The following NAV2 variants were observed in gnomAD, a reference collection of about 807,000 sequenced individuals.
The protein encoded by NAV2 is helicase, APC down-regulated 1.
Under a neutral mutation model 223.2 loss-of-function variants are expected in NAV2, and 54 were observed. That is an observed-to-expected ratio of 0.24 (90% CI 0.19 to 0.30). NAV2 has a LOEUF of 0.30. NAV2 is among the 10% of genes least tolerant of loss of function. The pLI is 1.00. For missense variants in NAV2, 2,806 were observed against 3,147.5 expected (o/e 0.89, Z 2.60); for synonymous variants, 1,279 against 1,239.3 (o/e 1.03, Z -0.67).
chr11:20,102,260 T>G (rs960377080), intron 32 of NAV2, among the ~76,000 whole-genome samples: 1 of 152,138 alleles, frequency 6.6e-6, no homozygotes, highest in Non-Finnish European at 1.5e-5. Context: ...CTTTTTCTAC[T>G]GCTAACAAGA....
intron 19 of NAV2, among the ~76,000 whole-genome samples, chr11:20,057,169 AT>A (rs2058416740): frequency 6.6e-6 from 1 of 152,236 alleles, no homozygotes; most frequent in South Asian, 2.1e-4. Flanking sequence ...AAGGGCCAGC[AT>A]CCTCCCAGCA....
At chr11:19,684,231 T>A (rs1352554254) in intron 1 of NAV2, among the ~76,000 whole-genome samples, 2 of 152,212 alleles carry the variant, frequency 1.3e-5, no homozygotes, top group Non-Finnish European at 2.9e-5. Flanking sequence ...GAATTATACT[T>A]CCTTTTCATG....
intron 1 of NAV2, among the ~76,000 whole-genome samples, chr11:19,464,018 T>G (rs774683180): frequency 6.6e-6 from 1 of 152,150 alleles, no homozygotes; most frequent in Non-Finnish European, 1.5e-5. Context: ...AAGAAATGTT[T>G]CTCCTCTGTG....
intron 10 of NAV2, among the ~76,000 whole-genome samples, chr11:19,956,373 C>T (rs2047867965): frequency 6.7e-6 from 1 of 150,330 alleles, no homozygotes; most frequent in East Asian, 1.9e-4. Flanking sequence ...CATACACACA[C>T]ACACACACAC....
upstream of NAV2, among the ~76,000 whole-genome samples, chr11:19,346,662 C>T (rs959396335): frequency 1.3e-5 from 2 of 152,220 alleles, no homozygotes; most frequent in Non-Finnish European, 2.9e-5. Flanking sequence ...GCTCGCAGTG[C>T]ACAGATAAAG....
intron 1 of NAV2, among the ~76,000 whole-genome samples, chr11:19,523,860 C>A (rs562032695): frequency 6.6e-6 from 1 of 152,332 alleles, no homozygotes; most frequent in South Asian, 2.1e-4. Flanking sequence ...CTCCCTGTGT[C>A]CCCAGACACT....
At chr11:19,531,213 G>A (rs2044018697) in intron 1 of NAV2, among the ~76,000 whole-genome samples, 1 of 152,100 alleles carries the variant, frequency 6.6e-6, no homozygotes, top group Non-Finnish European at 1.5e-5. Flanking sequence ...TTCTGGTAGG[G>A]GAAACAGAAG....
intron 1 of NAV2, among the ~76,000 whole-genome samples, chr11:19,816,731 T>C (rs1011208323): frequency 5.3e-5 from 8 of 152,244 alleles, no homozygotes; most frequent in African/African-American, 1.9e-4. Context: ...TTAAACATTT[T>C]GCAATTGATC....
chr11:19,844,587 T>C (rs887187565), intron 3 of NAV2, among the ~76,000 whole-genome samples: 4 of 152,244 alleles, frequency 2.6e-5, no homozygotes, highest in Non-Finnish European at 4.4e-5. Flanking sequence ...CCTCATGTCA[T>C]GCTCAAAAAG....
At chr11:19,759,712 T>C (rs1317158327) in intron 1 of NAV2, among the ~76,000 whole-genome samples, 1 of 152,184 alleles carries the variant, frequency 6.6e-6, no homozygotes. Context: ...CAGTTTCCTG[T>C]TTGTAAAATA....
intron 1 of NAV2, among the ~76,000 whole-genome samples, chr11:19,805,365 C>A (rs187145660): frequency 6.6e-6 from 1 of 152,142 alleles, no homozygotes; most frequent in South Asian, 2.1e-4. Flanking sequence ...TCCTCTAAGA[C>A]CTACTCTCCA....
intron 12 of NAV2, chr11:20,043,719 G>A (rs2057170217): frequency 2.5e-6 from 1 of 398,302 alleles, no homozygotes; most frequent in Non-Finnish European, 4.6e-6. Context: ...TAGGATTATA[G>A]GCGTGAGCCA....
chr11:19,937,180 C>G (rs2045980375), intron 7 of NAV2, among the ~76,000 whole-genome samples: 1 of 152,098 alleles, frequency 6.6e-6, no homozygotes, highest in Non-Finnish European at 1.5e-5. Flanking sequence ...ACTAGTGAGA[C>G]CAGGCTCTTA....
intron 3 of NAV2, among the ~76,000 whole-genome samples, chr11:19,844,351 T>C (rs1419746045): frequency 6.6e-6 from 1 of 152,228 alleles, no homozygotes; most frequent in Non-Finnish European, 1.5e-5. Flanking sequence ...AACTGGTATG[T>C]GGAAATTGTC....
chr11:20,072,790 C>A (rs2059483639), intron 22 of NAV2, among the ~76,000 whole-genome samples: 1 of 152,058 alleles, frequency 6.6e-6, no homozygotes, highest in Non-Finnish European at 1.5e-5. Flanking sequence ...GATTTTGTAT[C>A]CTGAGATGTT....
chr11:19,997,533 G>T (rs764050959), intron 11 of NAV2, among the ~76,000 whole-genome samples: 4 of 152,098 alleles, frequency 2.6e-5, no homozygotes, highest in Non-Finnish European at 4.4e-5. Flanking sequence ...TATGTTCTAG[G>T]TGTTCTCCTA....
chr11:19,912,083 G>A (rs1017721222), intron 6 of NAV2, among the ~76,000 whole-genome samples: 5 of 152,106 alleles, frequency 3.3e-5, no homozygotes, highest in Non-Finnish European at 7.4e-5. Flanking sequence ...TAATCTTTTG[G>A]TGCTTACATT....
At position 19,927,398 on chromosome 11, in the gene NAV2, A is replaced by G. The variant is rs145591013; in HGVS notation, c.932-5778A>G. Among the ~76,000 whole-genome samples, 1,239 of 152,318 alleles carry G rather than the reference A, an allele frequency of 8.1e-3. 21 individuals carry two copies. Among genetic ancestry groups the G allele is most frequent in the South Asian group, 0.079 (380 of 4,826 alleles). On this transcript the variant is annotated intron_variant, in intron 6 of 37. Coordinates refer to ENST00000349880, the MANE Select transcript of NAV2 (RefSeq NM_145117.5). ...GGAGTTCCAGACCAGCCTGGCCAACATGGTGAAACCCCATCTCTACTAAGA... is the reference window on the plus strand; with the variant it reads ...GGAGTTCCAGACCAGCCTGGCCAACGTGGTGAAACCCCATCTCTACTAAGA...
intron 1 of NAV2, among the ~76,000 whole-genome samples, chr11:19,521,485 T>G (rs112279722): frequency 6.6e-6 from 1 of 152,180 alleles, no homozygotes; most frequent in Non-Finnish European, 1.5e-5. Flanking sequence ...TGTACATAAG[T>G]GCTCAGCAAT....
Sources: gnomAD v4.1 joint callset for allele counts (sites outside exome capture counted in the v4.1 genomes callset) on GRCh38, gnomAD v4.1.1 for gene constraint, MANE v1.5 for transcripts, NCBI Gene and HGNC (gene_info 2026-07-23, HGNC 2026-07-21) for gene names.